Variants in NRG1 observed in about 807,000 individuals in gnomAD.
The protein encoded by NRG1 is neuregulin 1.
A neutral mutation model predicts 63.8 loss-of-function variants in NRG1; 18 were observed. That is an observed-to-expected ratio of 0.28 (90% CI 0.19 to 0.42). The LOEUF is 0.42. NRG1 is among the 10% of genes least tolerant of loss of function. The pLI is 1.00. For missense variants in NRG1, 762 were observed against 814.7 expected (o/e 0.94, Z 0.79); for synonymous variants, 302 against 301.3 (o/e 1.00, Z -0.02).
intron 5 of NRG1, among the ~76,000 whole-genome samples, chr8:32,699,459 T>C (rs1326263202): frequency 2.0e-5 from 3 of 152,188 alleles, no homozygotes; most frequent in African/African-American, 4.8e-5. Context: ...AAATCTGCTT[T>C]CCTAGAAAAG....
At chr8:32,232,843 A>C (rs1847102640) in intron 1 of NRG1, among the ~76,000 whole-genome samples, 1 of 152,128 alleles carries the variant, frequency 6.6e-6, no homozygotes, top group Non-Finnish European at 1.5e-5. Flanking sequence ...TTTTTTCCCC[A>C]AAAAGCTGGA....
At chr8:31,686,075 G>A (rs1324766705) in intron 1 of NRG1, among the ~76,000 whole-genome samples, 1 of 152,080 alleles carries the variant, frequency 6.6e-6, no homozygotes, top group Admixed American at 6.5e-5. Context: ...AATAATTCAA[G>A]AAATTGGATA....
At chr8:32,757,509 G>A (rs572236389) in intron 9 of NRG1, among the ~76,000 whole-genome samples, 1 of 152,298 alleles carries the variant, frequency 6.6e-6, no homozygotes, top group African/African-American at 2.4e-5. Context: ...AGCAAGTCTT[G>A]TAGCAAAAAC....
chr8:31,920,093 C>T (rs940257329), intron 1 of NRG1, among the ~76,000 whole-genome samples: 5 of 151,866 alleles, frequency 3.3e-5, no homozygotes, highest in Admixed American at 2.6e-4. Flanking sequence ...TTACAGCTAA[C>T]CTAATAAGAA....
chr8:32,002,726 C>A (rs952593217), intron 1 of NRG1, among the ~76,000 whole-genome samples: 1 of 152,070 alleles, frequency 6.6e-6, no homozygotes, highest in African/African-American at 2.4e-5. Context: ...AGCTTCTCAG[C>A]TGATAAAGTA....
At chr8:31,698,431 T>C (rs911836284) in intron 1 of NRG1, among the ~76,000 whole-genome samples, 2 of 152,190 alleles carry the variant, frequency 1.3e-5, no homozygotes, top group Non-Finnish European at 2.9e-5. Flanking sequence ...ATGTTAAAAA[T>C]ATGTAGCAGG....
intron 5 of NRG1, among the ~76,000 whole-genome samples, chr8:32,711,112 CG>C (rs1254865984): frequency 6.6e-6 from 1 of 152,126 alleles, no homozygotes; most frequent in East Asian, 1.9e-4. Context: ...GAGGCGTCAT[CG>C]GGCAGAATAT....
At chr8:31,654,971 A>G (rs940803225) in intron 1 of NRG1, among the ~76,000 whole-genome samples, 1 of 151,966 alleles carries the variant, frequency 6.6e-6, no homozygotes, top group Non-Finnish European at 1.5e-5. Flanking sequence ...AATTCCCTGT[A>G]TTTTTTCCAA....
At chr8:32,730,295 G>A (rs1823310886) in intron 6 of NRG1, among the ~76,000 whole-genome samples, 1 of 151,882 alleles carries the variant, frequency 6.6e-6, no homozygotes, top group Non-Finnish European at 1.5e-5. Flanking sequence ...AAAAAATACA[G>A]AAAAATAATT....
intron 1 of NRG1, among the ~76,000 whole-genome samples, chr8:32,286,278 G>A (rs757869829): frequency 7.9e-5 from 12 of 152,162 alleles, no homozygotes; most frequent in Non-Finnish European, 1.3e-4. Context: ...TCAGCTGGGC[G>A]GTGCTGCAGA....
intron 1 of NRG1, among the ~76,000 whole-genome samples, chr8:32,058,866 A>G (rs1005945226): frequency 1.3e-5 from 2 of 151,918 alleles, no homozygotes; most frequent in Admixed American, 6.6e-5. Flanking sequence ...GCTTTCCCCA[A>G]CTTCTTCTCA....
chr8:32,208,130 T>G (rs1844270313), intron 1 of NRG1, among the ~76,000 whole-genome samples: 1 of 152,222 alleles, frequency 6.6e-6, no homozygotes, highest in Admixed American at 6.5e-5. Flanking sequence ...CTATTTAGTT[T>G]GATTTTCTAA....
In NRG1 at chr8:32,024,399, T is replaced by C. The variant is rs117393611; in HGVS notation, c.37+384968T>C. 2.4e-4 allele frequency among the ~76,000 whole-genome samples: 37 copies of C among 152,270 alleles called. 1 individual carries two copies. The East Asian group carries it at 5.6e-3, about 23-fold the overall frequency. On this transcript the variant is annotated intron_variant, in intron 1 of 10. Transcript: ENST00000519301. ...GGACAGAGTGGGAAACCACGTAGCATGCAAAGGGGAGCGGAAGGGCAGAGG... is the reference window on the plus strand; with the variant it reads ...GGACAGAGTGGGAAACCACGTAGCACGCAAAGGGGAGCGGAAGGGCAGAGG...
chr8:32,277,631 G>C (rs932737691), intron 1 of NRG1, among the ~76,000 whole-genome samples: 5 of 152,082 alleles, frequency 3.3e-5, no homozygotes, highest in Non-Finnish European at 7.4e-5. Context: ...TCTTAACCAG[G>C]GGTGATTTTG....
intron 1 of NRG1, among the ~76,000 whole-genome samples, chr8:32,314,190 G>GAAAA (rs3055549): frequency 6.5e-4 from 97 of 150,180 alleles, no homozygotes; most frequent in African/African-American, 2.2e-3. Context: ...CTGTTAAGTG[G>GAAAA]AAAAAAAAAA....
chr8:32,001,776 G>T (rs1812970061), intron 1 of NRG1, among the ~76,000 whole-genome samples: 1 of 151,970 alleles, frequency 6.6e-6, no homozygotes, highest in Non-Finnish European at 1.5e-5. Flanking sequence ...GTTTAGTAAG[G>T]AAGTTCACAG....
intron 1 of NRG1, among the ~76,000 whole-genome samples, chr8:32,270,833 T>A (rs1851466335): frequency 6.6e-6 from 1 of 152,206 alleles, no homozygotes; most frequent in Admixed American, 6.5e-5. Context: ...TACAAGTCTT[T>A]TTTTTTCTTT....
At chr8:31,854,248 C>T (rs1289654671) in intron 1 of NRG1, among the ~76,000 whole-genome samples, 3 of 151,790 alleles carry the variant, frequency 2.0e-5, no homozygotes, top group Non-Finnish European at 4.4e-5. Context: ...GTCCTGGACT[C>T]TTTTTGGTTG....
chr8:31,641,386 G>A (rs1005487438), intron 1 of NRG1, among the ~76,000 whole-genome samples: 1 of 151,190 alleles, frequency 6.6e-6, no homozygotes, highest in Admixed American at 6.6e-5. Flanking sequence ...ACAATATTTT[G>A]GTTTGGAGGA....
Sources: gnomAD v4.1 joint callset for allele counts (sites outside exome capture counted in the v4.1 genomes callset) on GRCh38, gnomAD v4.1.1 for gene constraint, MANE v1.5 for transcripts, NCBI Gene and HGNC (gene_info 2026-07-23, HGNC 2026-07-21) for gene names.